SVOPL: variants seen among roughly 807,000 people sequenced by gnomAD.
SVOPL encodes the protein SVOP like.
A neutral mutation model predicts 61.0 loss-of-function variants in SVOPL; 60 were observed. That is an observed-to-expected ratio of 0.98 (90% confidence interval 0.80 to 1.22). The LOEUF is 1.22. Ranked by LOEUF, SVOPL falls within the 50% of genes most tolerant of loss-of-function variation. The probability of loss-of-function intolerance (pLI) is 0.00; values close to 1 mark genes in which losing one functional copy is unlikely to be tolerated. For synonymous variants in SVOPL, 279 were observed against 250.0 expected (o/e 1.12, Z -1.09); for missense variants, 662 against 643.9 (o/e 1.03, Z -0.30).
intron 7 of SVOPL, among the ~76,000 whole-genome samples, chr7:138,655,771 T>A (rs1321399961): frequency 6.6e-6 from 1 of 151,596 alleles, no homozygotes; most frequent in Non-Finnish European, 1.5e-5. Context: ...ATTACAGGAT[T>A]ATATTCTTAT....
intron 1 of SVOPL, among the ~76,000 whole-genome samples, chr7:138,685,598 C>T (rs1488191589): frequency 6.6e-6 from 1 of 152,118 alleles, no homozygotes; most frequent in East Asian, 1.9e-4. Flanking sequence ...GATAAGTGTT[C>T]TTATCACAAA....
intron 14 of SVOPL, among the ~76,000 whole-genome samples, chr7:138,606,254 G>A (rs991297631): frequency 1.2e-4 from 19 of 152,048 alleles, no homozygotes; most frequent in African/African-American, 3.4e-4. Context: ...CTTGTCTCAC[G>A]ACCAAGAAAA....
intron 5 of SVOPL, chr7:138,662,653 A>T (rs769113494): frequency 1.0e-6 from 1 of 1,001,000 alleles, no homozygotes; most frequent in African/African-American, 1.7e-5. Context: ...TGGAGAACAG[A>T]TGTGTGCCCC....
chr7:138,594,391 C>T lies in SVOPL; in HGVS notation c.*219G>A. ...TCTCCCTCTCACACCCCTTTGAAAG[C>T]TTAAATTATATTTTATAAAAGTACT... On this transcript the variant is annotated 3_prime_UTR_variant, in exon 16 of 16. Transcript: ENST00000674285. The T allele has an allele frequency of 2.9e-6, 1 of 344,700 alleles. No individual in the cohort carries two copies. The highest frequency in any genetic ancestry group is 1.1e-4 in the South Asian group (1 of 9,062). The allele number at this position is 344,700 out of a possible 1,614,324, so 21.4% of individuals were successfully genotyped here.
chr7:138,600,001 C>T (rs1388312066), intron 14 of SVOPL, among the ~76,000 whole-genome samples: 1 of 151,888 alleles, frequency 6.6e-6, no homozygotes, highest in Non-Finnish European at 1.5e-5. Flanking sequence ...TGATGAAGGC[C>T]ATTTAAGCCT....
intron 4 of SVOPL, among the ~76,000 whole-genome samples, chr7:138,669,568 C>T (rs1395484268): frequency 2.0e-5 from 3 of 152,206 alleles, no homozygotes; most frequent in Non-Finnish European, 4.4e-5. Flanking sequence ...CTGAGGGCAG[C>T]TCCCAGAGAT....
chr7:138,621,954 C>G (rs867151068), intron 13 of SVOPL, among the ~76,000 whole-genome samples: 4 of 72,372 alleles, frequency 5.5e-5, no homozygotes, highest in African/African-American at 1.5e-4. Context: ...ATGTATCTAT[C>G]TATCTATGTA....
intron 3 of SVOPL, among the ~76,000 whole-genome samples, chr7:138,676,906 T>A (rs915662568): frequency 1.5e-5 from 2 of 130,798 alleles, no homozygotes; most frequent in African/African-American, 6.1e-5. Context: ...TTCCTTTTTT[T>A]TTTTTTTTTT....
At chr7:138,646,976 G>C (rs763810774) in intron 8 of SVOPL, among the ~76,000 whole-genome samples, 3 of 152,206 alleles carry the variant, frequency 2.0e-5, no homozygotes, top group Non-Finnish European at 2.9e-5. Context: ...GGCTTGTCCA[G>C]AAGAAAATGG....
chr7:138,681,332 TTAACAAA>T (rs1404637013), intron 1 of SVOPL, among the ~76,000 whole-genome samples: 3 of 148,210 alleles, frequency 2.0e-5, no homozygotes, highest in African/African-American at 7.4e-5. Context: ...ACATATAATA[TTAACAAA>T]TATATTAACA....
At chr7:138,602,971 C>T (rs1798594242) in intron 14 of SVOPL, among the ~76,000 whole-genome samples, 1 of 152,068 alleles carries the variant, frequency 6.6e-6, no homozygotes, top group South Asian at 2.1e-4. Flanking sequence ...TACAGATATT[C>T]ATGGAAGTAA....
At chr7:138,626,085 G>A in intron 12 of SVOPL, 35 bp from the exon 13 acceptor site, 1 of 1,607,600 alleles carries the variant, frequency 6.2e-7, no homozygotes, top group South Asian at 1.1e-5. Flanking sequence ...ATTATAAAAG[G>A]CAGCATGGAG....
At chr7:138,620,637 C>G (rs185660087) in intron 14 of SVOPL, among the ~76,000 whole-genome samples, 246 of 152,152 alleles carry the variant, frequency 1.6e-3, no homozygotes, top group Non-Finnish European at 2.4e-3. Flanking sequence ...CACCACCTCC[C>G]TGCCCCTCAG....
chr7:138,618,744 AAAAGG>A (rs973469147), intron 14 of SVOPL, among the ~76,000 whole-genome samples: 4 of 152,188 alleles, frequency 2.6e-5, no homozygotes, highest in African/African-American at 9.7e-5. Flanking sequence ...AAGGAAAAAG[AAAAGG>A]AAAGAAAGAA....
At chr7:138,668,405 G>A (rs1463347667) in intron 4 of SVOPL, among the ~76,000 whole-genome samples, 1 of 152,136 alleles carries the variant, frequency 6.6e-6, no homozygotes, top group Non-Finnish European at 1.5e-5. Context: ...CAGCGGGCAA[G>A]GTGAACCCGC....
rs769020721 is a variant in SVOPL at position 138,628,365 on chromosome 7, T to TG, written c.864-3dup. ...TAGTAGGCAAAAGAGATTCCAAGCC[T>TG]GGAAGAGAGAAAACAAAGTCACTAG... On this transcript the variant is annotated splice_region_variant and splice_polypyrimidine_tract_variant and intron_variant, in intron 10 of 15. Transcript: ENST00000674285. The TG allele has an allele frequency of 5.1e-5, 82 of 1,613,488 alleles. No homozygotes were observed. In the South Asian group the frequency reaches 6.6e-4, roughly 13 times the overall value.
intron 6 of SVOPL, among the ~76,000 whole-genome samples, chr7:138,658,942 G>A (rs1394102830): frequency 1.3e-5 from 2 of 151,386 alleles, no homozygotes; most frequent in Non-Finnish European, 2.9e-5. Context: ...CTCAGCCAGG[G>A]CACTCTAAAA....
At chr7:138,644,010 T>C (rs914461875) in intron 9 of SVOPL, among the ~76,000 whole-genome samples, 2 of 151,930 alleles carry the variant, frequency 1.3e-5, no homozygotes, top group Admixed American at 6.6e-5. Flanking sequence ...AAGACCATCC[T>C]GGCCAACATG....
At chr7:138,640,634 TC>T (rs1397654335) in intron 9 of SVOPL, among the ~76,000 whole-genome samples, 2 of 151,946 alleles carry the variant, frequency 1.3e-5, no homozygotes, top group African/African-American at 4.8e-5. Flanking sequence ...GCAGCTGGAG[TC>T]CATTATCCTA....
Sources: gnomAD v4.1 joint callset for allele counts (sites outside exome capture counted in the v4.1 genomes callset) on GRCh38, gnomAD v4.1.1 for gene constraint, MANE v1.5 for transcripts, NCBI Gene and HGNC (gene_info 2026-07-23, HGNC 2026-07-21) for gene names.